Variants in TIAM1 observed in about 807,000 individuals in gnomAD.
The protein encoded by TIAM1 is rho guanine nucleotide exchange factor TIAM1.
Under a neutral mutation model 163.5 loss-of-function variants are expected in TIAM1, and 65 were observed. That is an observed-to-expected ratio of 0.40 (90% CI 0.33 to 0.49). The LOEUF (loss-of-function observed/expected upper bound fraction) is 0.49, where lower values mean the gene tolerates loss of function less well. Ranked by LOEUF, TIAM1 falls within the 20% of genes least tolerant of loss-of-function variation. TIAM1 has a pLI of 0.77. For synonymous variants in TIAM1, 833 were observed against 810.1 expected, an observed-to-expected ratio of 1.03 and a Z score of -0.48; for missense variants, 1,789 against 2,044.7, an observed-to-expected ratio of 0.87 and a Z score of 2.41.
At position 31,148,004 on chromosome 21, in the gene TIAM1, CAAAAAAAAAAAA is replaced by C. The variant is rs34410316; in HGVS notation, c.3367-1013_3367-1002del. Among the ~76,000 whole-genome samples the C allele has an allele frequency of 3.9e-3, 248 of 63,820 alleles. 1 individual carries two copies. Among genetic ancestry groups the C allele is most frequent in the African/African-American group, 0.013 (228 of 17,022 alleles). The allele number at this position is 63,820 out of a possible 152,430, so 41.9% of individuals were successfully genotyped here. A position where few individuals can be genotyped will look rare whatever the true frequency, so the allele number is the denominator to read the frequency against. On this transcript the variant is annotated intron_variant, in intron 19 of 27. Coordinates refer to ENST00000541036, the MANE Select transcript of TIAM1 (RefSeq NM_001353694.2). ...AGAGGATTCTGAGTCTGTCCATGAC[CAAAAAAAAAAAA>C]AAAAAAAAAAAAGGTTTATTTTAAA...
chr21:31,369,615 A>G (rs2076560903), intron 2 of TIAM1, among the ~76,000 whole-genome samples: 1 of 152,242 alleles, frequency 6.6e-6, no homozygotes, highest in South Asian at 2.1e-4. Context: ...TGGATATGGT[A>G]ATTACTTTGA....
intron 2 of TIAM1, among the ~76,000 whole-genome samples, chr21:31,378,634 T>A (rs560492162): frequency 9.9e-5 from 15 of 152,222 alleles, no homozygotes; most frequent in Admixed American, 2.0e-4. Context: ...TTGGCTTCCC[T>A]GATTCCCTGA....
intron 14 of TIAM1, among the ~76,000 whole-genome samples, chr21:31,185,181 T>C (rs1455943357): frequency 1.3e-5 from 2 of 151,920 alleles, no homozygotes; most frequent in East Asian, 3.9e-4. Context: ...ACAAATCCCA[T>C]AGCAAGAAGA....
intron 1 of TIAM1, among the ~76,000 whole-genome samples, chr21:31,535,431 T>C (rs1376427113): frequency 6.7e-6 from 1 of 150,056 alleles, no homozygotes; most frequent in Admixed American, 6.6e-5. Flanking sequence ...AAAGTTCTTG[T>C]TCCAATTTTT....
chr21:31,430,223 A>ATAT (rs1165189999), intron 2 of TIAM1, among the ~76,000 whole-genome samples: 52 of 97,980 alleles, frequency 5.3e-4, no homozygotes, highest in South Asian at 1.4e-3. Flanking sequence ...AAAAAAAAAA[A>ATAT]AAATATATAT....
intron 6 of TIAM1, among the ~76,000 whole-genome samples, chr21:31,229,578 A>G (rs1459148834): frequency 6.6e-6 from 1 of 151,958 alleles, no homozygotes; most frequent in Non-Finnish European, 1.5e-5. Context: ...GACCCGAAAC[A>G]TGCTTTCCAT....
intron 2 of TIAM1, among the ~76,000 whole-genome samples, chr21:31,322,949 A>G (rs13050344): frequency 0.17 from 26,507 of 152,116 alleles, 2,335 homozygotes; most frequent in Middle Eastern, 0.2. Context: ...GGTGGAGTCC[A>G]TGGTAGAACG....
At position 31,266,759 on chromosome 21, in the gene TIAM1, C is replaced by A. The variant is rs2072795771; in HGVS notation, c.214G>T (p.Gly72Cys). ...CCATCTTGGGAGAAGGGCTCCAGGC[C>A]ATTTTCAGCCAGGGACTGGGGGATG... ...PSIPQSLAEN[G>C]LEPFSQDGTL... Residue 72 changes from glycine (G) to cysteine (C), a missense_variant, in exon 4 of 28, where the codon GGC (glycine) becomes TGC (cysteine). Around this residue, in one of 5 missense-constraint regions of TIAM1, gnomAD observed 555 missense variants for 564.9 expected, o/e 0.98. Coordinates refer to ENST00000541036, the MANE Select transcript of TIAM1 (RefSeq NM_001353694.2). 6.2e-7 allele frequency: 1 copy of A among 1,614,060 alleles called. No individual in the cohort carries two copies. Among genetic ancestry groups the A allele is most frequent in the African/African-American group, 1.3e-5 (1 of 74,920 alleles).
intron 15 of TIAM1, among the ~76,000 whole-genome samples, chr21:31,179,902 A>ATTTTTTTT (rs764892757): frequency 8.4e-5 from 11 of 131,276 alleles, no homozygotes; most frequent in Non-Finnish European, 1.3e-4. Context: ...ACATACACAG[A>ATTTTTTTT]TTTTTTTTTT....
Position 31,291,979 on chromosome 21 carries a change from C to A in TIAM1, c.-188-15071G>T, listed in dbSNP as rs908096319. Among the ~76,000 whole-genome samples, 22 of 152,258 alleles carry A rather than the reference C, an allele frequency of 1.4e-4. 1 individual carries two copies. The highest frequency in any genetic ancestry group is 1.2e-3 in the Admixed American group (18 of 15,286). ...TCCTGGGATTATCCTACTGATGATC[C>A]ACCACTTAGGGTCAAAACCTTTCAC... On this transcript the variant is annotated intron_variant, in intron 2 of 27. Coordinates refer to ENST00000541036, the MANE Select transcript of TIAM1 (RefSeq NM_001353694.2).
At chr21:31,528,231 A>G (rs2047851377) in intron 1 of TIAM1, among the ~76,000 whole-genome samples, 1 of 152,208 alleles carries the variant, frequency 6.6e-6, no homozygotes, top group African/African-American at 2.4e-5. Flanking sequence ...AATACTTCCC[A>G]AAGCCAGGCA....
intron 10 of TIAM1, among the ~76,000 whole-genome samples, chr21:31,210,748 G>GAGAAAGAA (rs1272829774): frequency 0.11 from 6,777 of 59,500 alleles, 606 homozygotes; most frequent in Non-Finnish European, 0.12. Context: ...GGAAGGAAGG[G>GAGAAAGAA]AGAAAGAAAG....
At chr21:31,388,862 C>T (rs1003436739) in intron 2 of TIAM1, among the ~76,000 whole-genome samples, 6 of 152,180 alleles carry the variant, frequency 3.9e-5, no homozygotes, top group African/African-American at 1.4e-4. Flanking sequence ...TATAATTTAA[C>T]ACAAATTTAA....
chr21:31,554,760 G>A (rs2048816475), intron 1 of TIAM1, among the ~76,000 whole-genome samples: 1 of 152,110 alleles, frequency 6.6e-6, no homozygotes, highest in South Asian at 2.1e-4. Flanking sequence ...CCCCACTCCA[G>A]GGCTCCGTGG....
intron 2 of TIAM1, among the ~76,000 whole-genome samples, chr21:31,281,181 T>G (rs568279795): frequency 1.7e-4 from 26 of 151,314 alleles, no homozygotes; most frequent in African/African-American, 6.3e-4. Flanking sequence ...GGCATCAGTG[T>G]GTAGAGAAAA....
In TIAM1 at chr21:31,197,790, A is replaced by G. The variant is rs568727094; in HGVS notation, c.2494-2485T>C. Among the ~76,000 whole-genome samples the G allele has an allele frequency of 2.0e-5, 3 of 152,312 alleles. No individual in the cohort carries two copies. In the South Asian group the frequency reaches 6.2e-4, roughly 32 times the overall value. Reference sequence around the variant, plus strand: ...AAGCGTGATGTCCATTTTACAAATAAAGGCAAGAGCCTAAAGAGAAAGTAC... The same window carrying G: ...AAGCGTGATGTCCATTTTACAAATAGAGGCAAGAGCCTAAAGAGAAAGTAC... On this transcript the variant is annotated intron_variant, in intron 12 of 27. Coordinates refer to ENST00000541036, the MANE Select transcript of TIAM1 (RefSeq NM_001353694.2).
intron 2 of TIAM1, among the ~76,000 whole-genome samples, chr21:31,280,674 A>ACTGCT (rs1456779445): frequency 6.6e-6 from 1 of 152,196 alleles, no homozygotes; most frequent in Non-Finnish European, 1.5e-5. Flanking sequence ...GAGAAGTCCC[A>ACTGCT]CTGCTCCACT....
intron 2 of TIAM1, among the ~76,000 whole-genome samples, chr21:31,381,399 G>A (rs1040645695): frequency 4.6e-5 from 7 of 152,198 alleles, no homozygotes; most frequent in Non-Finnish European, 8.8e-5. Flanking sequence ...CGGGCACAGT[G>A]GCTCACACCT....
chr21:31,120,785 G>T lies in TIAM1; in HGVS notation c.4359C>A (p.Asn1453Lys). 6.2e-7 allele frequency: 1 copy of T among 1,613,868 alleles called. No homozygotes were observed. Among genetic ancestry groups the T allele is most frequent in the Non-Finnish European group, 8.5e-7 (1 of 1,179,992 alleles). ...CGGCATCAGAATCAATGGTAAACCT[G>T]TTTCGAGCCAGCCGCCGCCTCCTCC... ...LGRRRRRLAR[N>K]RFTIDSDAVS... Residue 1453 changes from asparagine (N) to lysine (K), a missense_variant, in exon 28 of 28, where the codon AAC becomes AAA. Asn to Lys is a moderately conservative substitution (Grantham distance 94). Around this residue, in one of 5 missense-constraint regions of TIAM1, gnomAD observed 415 missense variants for 439.2 expected, o/e 0.94. Coordinates refer to ENST00000541036, the MANE Select transcript of TIAM1 (RefSeq NM_001353694.2). This position sits in a 1 kb window ranked among gnomAD's most constrained non-coding sequence, Gnocchi z 4.2.
Sources: allele counts gnomAD v4.1 joint callset (sites outside exome capture counted in the v4.1 genomes callset), GRCh38; gene constraint gnomAD v4.1.1; regional missense constraint gnomAD v4.1.1; non-coding constraint Gnocchi (gnomAD v3.1); transcripts MANE v1.5; gene names NCBI Gene and HGNC (gene_info 2026-07-23, HGNC 2026-07-21).